MDGA2: variants seen among roughly 807,000 people sequenced by gnomAD.
MDGA2 encodes MAM domain-containing glycosylphosphatidylinositol anchor protein 2.
Under a neutral mutation model 117.8 loss-of-function variants are expected in MDGA2, and 40 were observed. That is an observed-to-expected ratio of 0.34 (90% confidence interval 0.26 to 0.44). The LOEUF is 0.44. MDGA2 is among the 20% of genes least tolerant of loss of function. MDGA2 has a pLI of 1.00. For synonymous variants in MDGA2, 452 were observed against 439.0 expected (o/e 1.03, Z -0.37); for missense variants, 1,123 against 1,250.6 (o/e 0.90, Z 1.54).
chr14:47,079,727 A>ATTTTTTTTTTTTTTTTTTTTTT (rs35801678), intron 6 of MDGA2, among the ~76,000 whole-genome samples: 2 of 80,072 alleles, frequency 2.5e-5, no homozygotes, highest in African/African-American at 1.1e-4. Flanking sequence ...TTTTCTACTA[A>ATTTTTTTTTTTTTTTTTTTTTT]TTTTTTTTTT....
intron 2 of MDGA2, among the ~76,000 whole-genome samples, chr14:47,222,282 G>A (rs1046332084): frequency 6.6e-6 from 1 of 151,970 alleles, no homozygotes; most frequent in African/African-American, 2.4e-5. Context: ...AACCAATTAG[G>A]AGTGATAATA....
intron 15 of MDGA2, among the ~76,000 whole-genome samples, chr14:46,850,597 A>C (rs1205347376): frequency 6.6e-6 from 1 of 151,936 alleles, no homozygotes; most frequent in African/African-American, 2.4e-5. Flanking sequence ...AGCATTAATA[A>C]TGTTATCTTT....
intron 1 of MDGA2, among the ~76,000 whole-genome samples, chr14:47,431,214 T>G (rs1024110598): frequency 9.9e-5 from 15 of 152,038 alleles, no homozygotes; most frequent in African/African-American, 3.6e-4. Flanking sequence ...ATTAAACAAT[T>G]AATCAGATGT....
chr14:47,503,274 C>A (rs948076602), intron 1 of MDGA2, among the ~76,000 whole-genome samples: 3 of 150,752 alleles, frequency 2.0e-5, no homozygotes, highest in Admixed American at 2.0e-4. Flanking sequence ...TAGGAAAAGC[C>A]AAGAGGTCAG....
chr14:47,057,385 G>T (rs1889716341), intron 7 of MDGA2, among the ~76,000 whole-genome samples: 1 of 151,846 alleles, frequency 6.6e-6, no homozygotes, highest in African/African-American at 2.4e-5. Context: ...TAAGGGCAAG[G>T]CCTATTTGTA....
At chr14:47,577,271 T>C (rs2018262) in intron 1 of MDGA2, among the ~76,000 whole-genome samples, 113,083 of 151,904 alleles carry the variant, frequency 0.74, 42,539 homozygotes, top group East Asian at 1. Flanking sequence ...ACCTCATACA[T>C]TTTATATAAA....
chr14:47,458,043 G>A (rs1365043153), intron 1 of MDGA2, among the ~76,000 whole-genome samples: 1 of 147,304 alleles, frequency 6.8e-6, no homozygotes, highest in Admixed American at 6.8e-5. Flanking sequence ...TGATATCCTG[G>A]TTAATGACAT....
At chr14:46,922,235 T>C (rs1238929879) in intron 9 of MDGA2, among the ~76,000 whole-genome samples, 1 of 152,116 alleles carries the variant, frequency 6.6e-6, no homozygotes, top group Non-Finnish European at 1.5e-5. Flanking sequence ...GACTTAGAAA[T>C]GTTCTACCAA....
intron 1 of MDGA2, among the ~76,000 whole-genome samples, chr14:47,359,452 A>G (rs1283128613): frequency 1.3e-5 from 2 of 152,158 alleles, no homozygotes; most frequent in Non-Finnish European, 2.9e-5. Context: ...CAACACACAG[A>G]CTAACACAAC....
At chr14:47,465,538 T>G (rs1893585118) in intron 1 of MDGA2, among the ~76,000 whole-genome samples, 1 of 152,082 alleles carries the variant, frequency 6.6e-6, no homozygotes, top group Non-Finnish European at 1.5e-5. Context: ...CACATACATT[T>G]CAAAAGAAGA....
At chr14:47,647,352 G>A (rs973668555) in intron 1 of MDGA2, among the ~76,000 whole-genome samples, 1 of 151,934 alleles carries the variant, frequency 6.6e-6, no homozygotes, top group Non-Finnish European at 1.5e-5. Context: ...TGCACTGTAT[G>A]AATCTTTGTA....
intron 1 of MDGA2, among the ~76,000 whole-genome samples, chr14:47,598,403 G>T (rs1896586430): frequency 6.6e-6 from 1 of 152,080 alleles, no homozygotes; most frequent in African/African-American, 2.4e-5. Flanking sequence ...ATTCACAATA[G>T]CCAAATGTTG....
intron 1 of MDGA2, among the ~76,000 whole-genome samples, chr14:47,544,228 A>G (rs993184965): frequency 6.6e-6 from 1 of 152,178 alleles, no homozygotes; most frequent in Non-Finnish European, 1.5e-5. Flanking sequence ...CAGTCATGAG[A>G]CTACGTGTGT....
chr14:46,878,814 G>C (rs1291773246), intron 11 of MDGA2, among the ~76,000 whole-genome samples: 1 of 151,984 alleles, frequency 6.6e-6, no homozygotes. Context: ...ATCTTTCAAA[G>C]ATGTAAGCGT....
At chr14:46,982,856 G>A (rs1886733669) in intron 8 of MDGA2, among the ~76,000 whole-genome samples, 1 of 151,972 alleles carries the variant, frequency 6.6e-6, no homozygotes, top group East Asian at 1.9e-4. Flanking sequence ...GAATAGGAGT[G>A]GTCAGAGAGG....
At chr14:47,386,200 T>C (rs57645873) in intron 1 of MDGA2, among the ~76,000 whole-genome samples, 2 of 152,020 alleles carry the variant, frequency 1.3e-5, no homozygotes, top group East Asian at 3.9e-4. Flanking sequence ...GAGAATTGTT[T>C]GAACACGGAG....
intron 1 of MDGA2, among the ~76,000 whole-genome samples, chr14:47,507,341 TG>T (rs1485999159): frequency 2.0e-5 from 3 of 152,168 alleles, no homozygotes; most frequent in Non-Finnish European, 4.4e-5. Context: ...ATACATTCAA[TG>T]GTGATTTAAA....
intron 1 of MDGA2, among the ~76,000 whole-genome samples, chr14:47,406,262 T>C (rs1594841412): frequency 6.6e-6 from 1 of 152,056 alleles, no homozygotes; most frequent in African/African-American, 2.4e-5. Context: ...AGAGAGATAA[T>C]CACAAACTAA....
intron 1 of MDGA2, among the ~76,000 whole-genome samples, chr14:47,443,018 T>G (rs1252038640): frequency 6.6e-6 from 1 of 152,140 alleles, no homozygotes. Context: ...CTGATTTTAC[T>G]TAATCATGGC....
Sources: allele counts gnomAD v4.1 joint callset (sites outside exome capture counted in the v4.1 genomes callset), GRCh38; gene constraint gnomAD v4.1.1; transcripts MANE v1.5; gene names NCBI Gene and HGNC (gene_info 2026-07-23, HGNC 2026-07-21).